Variants in HIP1 observed in about 807,000 individuals in gnomAD.
HIP1 encodes huntingtin-interacting protein 1.
In HIP1, 65 loss-of-function variants were observed where a neutral mutation model predicts 147.6. The ratio of observed to expected loss-of-function variants is 0.44; its 90% CI spans 0.36 to 0.54. The LOEUF is 0.54. Ranked by LOEUF, HIP1 falls within the 20% of genes least tolerant of loss-of-function variation. The pLI is 0.00. For missense variants in HIP1, 1,061 were observed against 1,299.6 expected (o/e 0.82, Z 2.82); for synonymous variants, 479 against 504.0 (o/e 0.95, Z 0.67).
intron 1 of HIP1, among the ~76,000 whole-genome samples, chr7:75,732,493 GC>G (rs1308151076): frequency 6.6e-6 from 1 of 152,002 alleles, no homozygotes; most frequent in Non-Finnish European, 1.5e-5. Flanking sequence ...GTCTCTGCCT[GC>G]CGAGTAGCTG....
At chr7:75,556,961 G>T in intron 16 of HIP1, 150 bp from the exon 17 acceptor site, 1 of 528,968 alleles carries the variant, frequency 1.9e-6, no homozygotes. Flanking sequence ...GGGTGTGGGA[G>T]GAGGAGGCAA....
At chr7:75,644,577 G>A in intron 1 of HIP1, among the ~76,000 whole-genome samples, 1 of 152,234 alleles carries the variant, frequency 6.6e-6, no homozygotes, top group East Asian at 1.9e-4. Context: ...TTACAGGTGT[G>A]AGACACTGGC....
chr7:75,583,768 G>GTGTGTGTGTGTA (rs1796147660), intron 5 of HIP1, among the ~76,000 whole-genome samples: 4 of 146,992 alleles, frequency 2.7e-5, no homozygotes, highest in Non-Finnish European at 6.0e-5. Context: ...GTGTGTGTGT[G>GTGTGTGTGTGTA]TGTGTGTGTG....
intron 1 of HIP1, among the ~76,000 whole-genome samples, chr7:75,671,727 T>A (rs1799734299): frequency 6.6e-6 from 1 of 151,558 alleles, no homozygotes; most frequent in African/African-American, 2.4e-5. Context: ...TAGCAATTTT[T>A]ATTTCATGTT....
At chr7:75,695,409 T>G (rs187133075) in intron 1 of HIP1, among the ~76,000 whole-genome samples, 9 of 152,292 alleles carry the variant, frequency 5.9e-5, no homozygotes, top group Non-Finnish European at 1.0e-4. Context: ...TCTCCTTGTT[T>G]TCAGCATCCG....
chr7:75,627,556 G>A (rs919796957), intron 1 of HIP1, among the ~76,000 whole-genome samples: 1 of 152,086 alleles, frequency 6.6e-6, no homozygotes, highest in African/African-American at 2.4e-5. Context: ...TCTGAGAATT[G>A]CATGAGACAC....
At chr7:75,678,367 A>G (rs1203512780) in intron 1 of HIP1, among the ~76,000 whole-genome samples, 5 of 133,314 alleles carry the variant, frequency 3.8e-5, no homozygotes, top group Non-Finnish European at 4.7e-5. Context: ...TTTTTGAGAC[A>G]GCATCTCACT....
rs6960211 is a variant in HIP1, at chr7:75,567,444, A to G, written c.803+755T>C. ...GGGATTTATTAGATAACCAATAGTT[A>G]CCCTAGCTATAGGTAGATTTGCCTC... On this transcript the variant is annotated intron_variant, in intron 9 of 30. Transcript: ENST00000336926. Among the ~76,000 whole-genome samples the G allele has an allele frequency of 5.7e-3, 869 of 151,542 alleles. 53 individuals are homozygous for G. The highest frequency in any genetic ancestry group is 0.021 in the African/African-American group (843 of 40,864).
chr7:75,562,861 G>C, intron 11 of HIP1, 74 bp downstream of exon 11: 1 of 1,509,910 alleles, frequency 6.6e-7, no homozygotes. Context: ...GCTTTGGCCA[G>C]GGTCTCCCCC....
At chr7:75,602,815 C>A (rs1448566166) in intron 1 of HIP1, among the ~76,000 whole-genome samples, 3 of 150,318 alleles carry the variant, frequency 2.0e-5, no homozygotes, top group Non-Finnish European at 3.0e-5. Flanking sequence ...CCCCCCACCC[C>A]GTACCTATGA....
intron 18 of HIP1, 76 bp downstream of exon 18, chr7:75,555,949 TC>T (rs1794985396): frequency 1.9e-6 from 3 of 1,560,308 alleles, no homozygotes; most frequent in Non-Finnish European, 8.7e-7. Flanking sequence ...CCCGGGGTCC[TC>T]CCAGCCTCCG....
chr7:75,564,268 C>A (rs1795330034), intron 9 of HIP1, among the ~76,000 whole-genome samples: 1 of 152,030 alleles, frequency 6.6e-6, no homozygotes, highest in Admixed American at 6.6e-5. Flanking sequence ...TAAGAGAATC[C>A]AGACTTATAT....
In HIP1 at chr7:75,573,862, G is replaced by A. The variant is rs368324123; in HGVS notation, c.644C>T (p.Thr215Met). 1.2e-5 allele frequency: 20 copies of A among 1,613,932 alleles called. No homozygotes were observed. Among genetic ancestry groups the A allele is most frequent in the African/African-American group, 2.7e-5 (2 of 74,908 alleles). The change falls in exon 8 of 31, where the codon ACG becomes ATG. Residue 215 changes from threonine to methionine, a missense_variant. Around this residue, in one of 3 missense-constraint regions of HIP1, gnomAD observed 225 missense variants for 292.9 expected, o/e 0.77. Transcript: ENST00000336926. The stretch of plus-strand genomic sequence containing the variant: ...GGCGAGGCGGCACTGCCCTGCTGCC[G>A]TCACGGACACAGAGCGGGACATGTC... ...SLDMSRSVSV[T>M]AAGQCRLAPL...
At chr7:75,639,547 C>G (rs1342098309) in intron 1 of HIP1, among the ~76,000 whole-genome samples, 1 of 146,026 alleles carries the variant, frequency 6.8e-6, no homozygotes, top group African/African-American at 2.6e-5. Context: ...GAGAGGCCGC[C>G]GGCCCGCCAG....
intron 1 of HIP1, among the ~76,000 whole-genome samples, chr7:75,620,835 G>C (rs891065098): frequency 1.3e-5 from 2 of 152,206 alleles, no homozygotes; most frequent in Admixed American, 6.5e-5. Flanking sequence ...ATGGAAGAAA[G>C]ATAAGGGCAA....
At chr7:75,584,164 A>G (rs1450970639) in intron 5 of HIP1, among the ~76,000 whole-genome samples, 1 of 150,572 alleles carries the variant, frequency 6.6e-6, no homozygotes, top group Non-Finnish European at 1.5e-5. Context: ...GGGTTTCACC[A>G]TGTTGCCCAG....
In HIP1 at chr7:75,554,239, G is replaced by A. The variant is rs1554492735; in HGVS notation, c.2051-19C>T. The A allele has an allele frequency of 6.2e-7, 1 of 1,601,498 alleles. No homozygotes were observed. The highest frequency in any genetic ancestry group is 1.7e-5 in the Admixed American group (1 of 59,864). On this transcript the variant is annotated intron_variant, in intron 20 of 30. Coordinates refer to ENST00000336926, the MANE Select transcript of HIP1 (RefSeq NM_005338.7). ...CTGATGTCTGCCAGGATTGGAAAGA[G>A]AAGTTTCTCAGGTCTGGTTGATGGT...
intron 1 of HIP1, among the ~76,000 whole-genome samples, chr7:75,623,506 G>A (rs952204395): frequency 1.3e-5 from 2 of 152,164 alleles, no homozygotes; most frequent in South Asian, 2.1e-4. Flanking sequence ...AGACACAGAC[G>A]GAGGCAGACA....
intron 29 of HIP1, among the ~76,000 whole-genome samples, chr7:75,540,714 T>C (rs782489420): frequency 6.6e-6 from 1 of 152,118 alleles, no homozygotes; most frequent in Non-Finnish European, 1.5e-5. Context: ...AGAAAAACTA[T>C]GTCAATTTTT....
Sources: gnomAD v4.1 joint callset for allele counts (sites outside exome capture counted in the v4.1 genomes callset) on GRCh38, gnomAD v4.1.1 for gene constraint, gnomAD v4.1.1 regional missense constraint, MANE v1.5 for transcripts, NCBI Gene and HGNC (gene_info 2026-07-23, HGNC 2026-07-21) for gene names.